Variants in DNMT3A observed in about 807,000 individuals in gnomAD.
DNMT3A encodes DNA methyltransferase 3 alpha.
Under a neutral mutation model 117.6 loss-of-function variants are expected in DNMT3A, and 267 were observed. The ratio of observed to expected loss-of-function variants is 2.27; its 90% CI spans 2.05 to 2.51. DNMT3A has a LOEUF of 2.51. Among genes scored for constraint, DNMT3A ranks in the 30% most tolerant of loss-of-function variants. The pLI is 0.00. For missense variants in DNMT3A, 1,029 were observed against 1,260.2 expected (o/e 0.82, Z 2.78); for synonymous variants, 432 against 474.8 (o/e 0.91, Z 1.17).
At position 25,246,225 on chromosome 2, in the gene DNMT3A, T is replaced by C; in HGVS notation, c.1364A>G (p.Lys455Arg). The change falls in exon 11 of 23, where the codon AAA becomes AGA. Residue 455 changes from lysine to arginine, a missense_variant. Lys to Arg is a conservative substitution (Grantham distance 26, BLOSUM62 2). Coordinates refer to ENST00000321117, the MANE Select transcript of DNMT3A (RefSeq NM_022552.5). The stretch of plus-strand genomic sequence containing the variant: ...CTCCGCTGTGCTCTTCCGGGGCTTT[T>C]TGGCTGGTGGAGGTGGTGCGTAGGC... ...AAAYAPPPPA[K>R]KPRKSTAEKP... 1 of 1,614,196 alleles carries C rather than the reference T, an allele frequency of 6.2e-7. No homozygotes were observed. Among genetic ancestry groups the C allele is most frequent in the Non-Finnish European group, 8.5e-7 (1 of 1,180,022 alleles).
In DNMT3A at chr2:25,247,602, T is replaced by A; in HGVS notation, c.1003A>T (p.Lys335Ter). The A allele has an allele frequency of 6.2e-7, 1 of 1,613,886 alleles. No individual in the cohort carries two copies. Among genetic ancestry groups the A allele is most frequent in the Non-Finnish European group, 8.5e-7 (1 of 1,179,960 alleles). ...ACCCCACAACTTACCACTGAGAATT[T>A]GCCGTCTCCGAACCACATGACCCAG... is the stretch of plus-strand genomic sequence containing the variant. ...TRWVMWFGDGKFSVVCVEKLM... is the reference protein window; with the variant it reads ...TRWVMWFGDG The change falls in exon 8 of 23, where the codon AAA becomes TAA. Residue 335 changes from lysine (K) to a stop codon, truncating the protein, a stop_gained. Coordinates refer to ENST00000321117, the MANE Select transcript of DNMT3A (RefSeq NM_022552.5). LOFTEE classifies it high-confidence loss of function. The surrounding 1 kb of genome is among the most constrained non-coding windows in gnomAD (Gnocchi z 5.6).
intron 10 of DNMT3A, 148 bp downstream of exon 10, chr2:25,246,472 C>T: frequency 7.0e-7 from 1 of 1,430,024 alleles, no homozygotes; most frequent in South Asian, 1.4e-5. Context: ...CATTCAAGTC[C>T]TGACCCCAGG....
intron 22 of DNMT3A, 32 bp downstream of exon 22, chr2:25,235,675 A>G: frequency 6.4e-7 from 1 of 1,569,674 alleles, no homozygotes; most frequent in Non-Finnish European, 8.8e-7. Context: ...GAACAGCCAC[A>G]CCGCAGCCAG....
chr2:25,319,217 T>C (rs569438838), intron 1 of DNMT3A, among the ~76,000 whole-genome samples: 1 of 152,096 alleles, frequency 6.6e-6, no homozygotes, highest in Admixed American at 6.5e-5. Context: ...GGTTTCACCA[T>C]GTTAGCCAGG....
chr2:25,247,667 C>G lies in DNMT3A; in HGVS notation c.938G>C (p.Trp313Ser). 6.2e-7 allele frequency: 1 copy of G among 1,614,030 alleles called. No individual in the cohort carries two copies. The highest frequency in any genetic ancestry group is 8.5e-7 in the Non-Finnish European group (1 of 1,180,032). ...TGCTCGGCTCCGGCCCGTCATCCAC[C>G]AAGACACAATGCGGCCTGGCCACCA... ...FSWWPGRIVSWWMTGRSRAAE... is the reference protein window; with the variant it reads ...FSWWPGRIVSSWMTGRSRAAE... Residue 313 changes from tryptophan (W) to serine (S), a missense_variant, in exon 8 of 23, where the codon TGG becomes TCG. Coordinates refer to ENST00000321117, the MANE Select transcript of DNMT3A (RefSeq NM_022552.5). The surrounding 1 kb of genome is among the most constrained non-coding windows in gnomAD (Gnocchi z 5.6).
At chr2:25,239,867 A>G (rs1449846839) in intron 19 of DNMT3A, among the ~76,000 whole-genome samples, 2 of 152,228 alleles carry the variant, frequency 1.3e-5, no homozygotes, top group African/African-American at 4.8e-5. Context: ...CTCACATGAT[A>G]AGGAATGAAA....
rs371484476 is a variant in DNMT3A at position 25,240,617 on chromosome 2, G to A, written c.2173+23C>T. 9.3e-6 allele frequency: 15 copies of A among 1,612,772 alleles called. No homozygotes were observed. The African/African-American group carries it at 1.9e-4, about 20-fold the overall frequency. ...GTGCGGAAGCACCAGCTGAGAAGGT[G>A]GAGGGGACAGGATGGTACCTACCGT... On this transcript the variant is annotated intron_variant, in intron 18 of 22. Coordinates refer to ENST00000321117, the MANE Select transcript of DNMT3A (RefSeq NM_022552.5).
At chr2:25,235,925 C>T in intron 21 of DNMT3A, 100 bp from the exon 22 acceptor site, 3 of 1,129,206 alleles carry the variant, frequency 2.7e-6, no homozygotes, top group Non-Finnish European at 4.0e-6. Context: ...CAAACCCTGA[C>T]AGGGCCTGGT....
At position 25,248,156 on chromosome 2, in the gene DNMT3A, CA is replaced by C. The variant is rs1553414406; in HGVS notation, c.735del (p.Ala246LeufsTer70). On this transcript the variant is annotated frameshift_variant, in exon 7 of 23. Transcript: ENST00000321117. LOFTEE classifies it high-confidence loss of function. Reference sequence around the variant, plus strand: ...GCGGGGTCAGTGGGCTGCTGCACAGCAGGAGGGCTGGCCTCCTCCACCTTCT... The same window carrying C: ...GCGGGGTCAGTGGGCTGCTGCACAGCGGAGGGCTGGCCTCCTCCACCTTCT... ...ESQKVEEASP[P>X]AVQQPTDPAS... 1 of 1,613,936 alleles carries C rather than the reference CA, an allele frequency of 6.2e-7. No individual in the cohort carries two copies. Among genetic ancestry groups the C allele is most frequent in the Non-Finnish European group, 8.5e-7 (1 of 1,179,974 alleles).
intron 6 of DNMT3A, among the ~76,000 whole-genome samples, chr2:25,267,836 A>G (rs537825054): frequency 3.9e-5 from 6 of 152,236 alleles, no homozygotes; most frequent in African/African-American, 1.4e-4. Flanking sequence ...GTATTGAACG[A>G]GCTTAAATGC....
chr2:25,239,583 T>C lies in DNMT3A; in HGVS notation c.2323-368A>G, dbSNP rs867488677. 2.1e-5 allele frequency: 11 copies of C among 528,956 alleles called. No individual in the cohort carries two copies. The Middle Eastern group carries it at 8.9e-4, about 43-fold the overall frequency. 32.8% of individuals were successfully genotyped at this position (528,956 alleles called of 1,614,324 possible). On this transcript the variant is annotated intron_variant, in intron 19 of 22. Transcript: ENST00000321117. The stretch of plus-strand genomic sequence containing the variant: ...AATGTAAACAGCCGCATGTGGCTGG[T>C]GGCTACCATATTGCACAGTGCTGCT...
chr2:25,248,236 T>C lies in DNMT3A; in HGVS notation c.656A>G (p.Lys219Arg), dbSNP rs950156492. The C allele has an allele frequency of 2.5e-6, 4 of 1,611,966 alleles. No individual in the cohort carries two copies. Among genetic ancestry groups the C allele is most frequent in the Non-Finnish European group, 3.4e-6 (4 of 1,179,502 alleles). The change falls in exon 7 of 23, where the codon AAG becomes AGG. Residue 219 changes from lysine (K) to arginine (R), a missense_variant. Transcript: ENST00000321117. ...RWKREAEKKA[K>R]VIAGMNAVEE... is the part of the protein sequence containing the mutation. Reference sequence around the variant, plus strand: ...CACAGCATTCATTCCTGCAATGACCTTGGCTTTCTTCTCAGCCTGGGGAAA... The same window carrying C: ...CACAGCATTCATTCCTGCAATGACCCTGGCTTTCTTCTCAGCCTGGGGAAA...
chr2:25,251,199 G>GATC (rs1675510112), intron 6 of DNMT3A, among the ~76,000 whole-genome samples: 1 of 148,864 alleles, frequency 6.7e-6, no homozygotes. Context: ...GAAAGGGGAA[G>GATC]GGGCAGCCGG....
At chr2:25,319,793 G>A (rs2034525504) in intron 1 of DNMT3A, among the ~76,000 whole-genome samples, 2 of 146,880 alleles carry the variant, frequency 1.4e-5, no homozygotes, top group South Asian at 4.3e-4. Flanking sequence ...TTTTTGAGAT[G>A]GACCCTTGCT....
At chr2:25,302,510 G>T (rs1160678772) in intron 2 of DNMT3A, among the ~76,000 whole-genome samples, 1 of 152,360 alleles carries the variant, frequency 6.6e-6, no homozygotes, top group South Asian at 2.1e-4. Context: ...CGAGGCCGGA[G>T]ATCCTTCAGG....
intron 1 of DNMT3A, among the ~76,000 whole-genome samples, chr2:25,317,477 G>T (rs1018777367): frequency 6.6e-6 from 1 of 152,222 alleles, no homozygotes; most frequent in Non-Finnish European, 1.5e-5. Flanking sequence ...TCAGACAGGC[G>T]TGTGAACGCT....
At chr2:25,301,053 G>A (rs1019624725) in intron 2 of DNMT3A, among the ~76,000 whole-genome samples, 1 of 151,264 alleles carries the variant, frequency 6.6e-6, no homozygotes, top group Non-Finnish European at 1.5e-5. Flanking sequence ...GGTGGATCAT[G>A]AGGTCAGGAG....
chr2:25,340,638 C>A (rs997075656), intron 1 of DNMT3A, among the ~76,000 whole-genome samples: 1 of 152,106 alleles, frequency 6.6e-6, no homozygotes, highest in African/African-American at 2.4e-5. Flanking sequence ...GGGCCGAAGA[C>A]CCCGCTCCGC....
In DNMT3A at chr2:25,254,107, T is replaced by C. The variant is rs931268652; in HGVS notation, c.640-5855A>G. Among the ~76,000 whole-genome samples, 4 of 151,104 alleles carry C rather than the reference T, an allele frequency of 2.6e-5. No individual in the cohort carries two copies. Among genetic ancestry groups the C allele is most frequent in the African/African-American group, 9.7e-5 (4 of 41,146 alleles). ...AAAAAAAAGATCTGGACTTCAGTTC[T>C]GTTTCCACCACCATGACCTTAAACA... On this transcript the variant is annotated intron_variant, in intron 6 of 22. Transcript: ENST00000321117. This position sits in a 1 kb window ranked among gnomAD's most constrained non-coding sequence, Gnocchi z 4.7.
Sources: allele counts gnomAD v4.1 joint callset (sites outside exome capture counted in the v4.1 genomes callset), GRCh38; gene constraint gnomAD v4.1.1; non-coding constraint Gnocchi (gnomAD v3.1); transcripts MANE v1.5; gene names NCBI Gene and HGNC (gene_info 2026-07-23, HGNC 2026-07-21).